CTNNA3: variants seen among roughly 807,000 people sequenced by gnomAD.
CTNNA3 encodes the protein catenin alpha 3.
A neutral mutation model predicts 95.7 loss-of-function variants in CTNNA3; 76 were observed. The ratio of observed to expected loss-of-function variants is 0.79; its 90% CI spans 0.66 to 0.96. The LOEUF is 0.96. Among genes scored for constraint, CTNNA3 ranks in the 40% least tolerant of loss-of-function variants. CTNNA3 has a pLI of 0.00. For missense variants in CTNNA3, 1,191 were observed against 1,089.8 expected (o/e 1.09, Z -1.31); for synonymous variants, 431 against 374.4 (o/e 1.15, Z -1.74).
chr10:66,576,828 T>A (rs1420886139), intron 10 of CTNNA3, among the ~76,000 whole-genome samples: 1 of 151,668 alleles, frequency 6.6e-6, no homozygotes, highest in Non-Finnish European at 1.5e-5. Context: ...AATGATTTAT[T>A]TTCCTTTGGG....
chr10:65,960,003 T>C (rs1184134496), intron 17 of CTNNA3, among the ~76,000 whole-genome samples: 2 of 152,156 alleles, frequency 1.3e-5, no homozygotes, highest in African/African-American at 4.8e-5. Flanking sequence ...TAGCTTATTT[T>C]CTCTTCTAAG....
chr10:66,452,387 G>T (rs752749971), intron 11 of CTNNA3, among the ~76,000 whole-genome samples: 1 of 152,188 alleles, frequency 6.6e-6, no homozygotes, highest in South Asian at 2.1e-4. Context: ...TGGTGAAATT[G>T]CCTTTACAAA....
At chr10:66,855,480 A>T (rs1419001381) in intron 7 of CTNNA3, among the ~76,000 whole-genome samples, 1 of 151,976 alleles carries the variant, frequency 6.6e-6, no homozygotes, top group East Asian at 1.9e-4. Context: ...ACTCTGCTAC[A>T]CTAGTGAATG....
intron 1 of CTNNA3, chr10:67,648,741 T>C: frequency 7.8e-7 from 1 of 1,289,720 alleles, no homozygotes. Context: ...CTGTTTTACC[T>C]TGTTTCTCTC....
chr10:65,938,017 CT>C (rs35270422), intron 17 of CTNNA3, among the ~76,000 whole-genome samples: 22,944 of 152,012 alleles, frequency 0.15, 2,149 homozygotes, highest in South Asian at 0.22. Context: ...CTGATGTTGT[CT>C]TTGATAAGAA....
At chr10:66,747,695 A>C (rs1838944584) in intron 9 of CTNNA3, among the ~76,000 whole-genome samples, 1 of 152,134 alleles carries the variant, frequency 6.6e-6, no homozygotes, top group East Asian at 1.9e-4. Flanking sequence ...GGGATTTAGA[A>C]AACAGGACTC....
At chr10:66,310,578 T>C (rs2092003516) in intron 12 of CTNNA3, among the ~76,000 whole-genome samples, 1 of 87,816 alleles carries the variant, frequency 1.1e-5, no homozygotes. Context: ...GAATGTTTTA[T>C]TCTGTGTTTT....
chr10:66,716,887 A>C (rs531192349), intron 9 of CTNNA3, among the ~76,000 whole-genome samples: 1 of 152,190 alleles, frequency 6.6e-6, no homozygotes, highest in African/African-American at 2.4e-5. Flanking sequence ...CTATCTGGTC[A>C]AATATTTATC....
At position 67,308,749 on chromosome 10, in the gene CTNNA3, G is replaced by A. The variant is rs949848729; in HGVS notation, c.580-88879C>T. On this transcript the variant is annotated intron_variant, in intron 5 of 17. Transcript: ENST00000433211. ...GTACTAAAGTTCACTTAGAGACCCA[G>A]TTAATCAATCCCTCATTTGAAAGTT... Among the ~76,000 whole-genome samples, 9 of 152,114 alleles carry A rather than the reference G, an allele frequency of 5.9e-5. No homozygotes were observed. In the East Asian group the frequency reaches 1.7e-3, roughly 29 times the overall value.
In CTNNA3 at chr10:67,363,592, G is replaced by A. The variant is rs986545815; in HGVS notation, c.580-143722C>T. On this transcript the variant is annotated intron_variant, in intron 5 of 17. Transcript: ENST00000433211. ...CTAGCAAGACTAATAAAGAAGAAAA[G>A]AGAGAAGAACAAATAGATGCAATAA... Among the ~76,000 whole-genome samples the A allele has an allele frequency of 3.3e-5, 5 of 151,706 alleles. 1 individual carries two copies. In the East Asian group the frequency reaches 7.7e-4, roughly 23 times the overall value.
intron 10 of CTNNA3, among the ~76,000 whole-genome samples, chr10:66,612,733 A>T (rs1257241472): frequency 6.6e-6 from 1 of 152,102 alleles, no homozygotes; most frequent in East Asian, 1.9e-4. Flanking sequence ...TCAATTGTTT[A>T]CTTTTTTCAA....
chr10:66,159,623 T>C (rs2084737780), intron 13 of CTNNA3, among the ~76,000 whole-genome samples: 2 of 140,998 alleles, frequency 1.4e-5, no homozygotes, highest in African/African-American at 5.1e-5. Context: ...TTTTTTGTTT[T>C]CTGTTTTTTT....
chr10:67,422,448 G>A (rs1168114291), intron 5 of CTNNA3, among the ~76,000 whole-genome samples: 1 of 152,112 alleles, frequency 6.6e-6, no homozygotes, highest in Non-Finnish European at 1.5e-5. Flanking sequence ...GGGTAAACAA[G>A]AGCTTCTTGT....
intron 10 of CTNNA3, among the ~76,000 whole-genome samples, chr10:66,537,074 A>G (rs2132066150): frequency 6.6e-6 from 1 of 152,298 alleles, no homozygotes; most frequent in South Asian, 2.1e-4. Context: ...ACTTACATAA[A>G]ATATATAACT....
At chr10:67,613,458 A>G (rs1843532167) in intron 2 of CTNNA3, among the ~76,000 whole-genome samples, 1 of 152,230 alleles carries the variant, frequency 6.6e-6, no homozygotes, top group Non-Finnish European at 1.5e-5. Context: ...GAGGTTACCA[A>G]AAGAATGGGT....
intron 5 of CTNNA3, among the ~76,000 whole-genome samples, chr10:67,230,329 G>T (rs1865128479): frequency 6.6e-6 from 1 of 152,156 alleles, no homozygotes; most frequent in South Asian, 2.1e-4. Flanking sequence ...ACTCAAGATG[G>T]ATTAAGGACT....
intron 7 of CTNNA3, among the ~76,000 whole-genome samples, chr10:67,144,692 T>G (rs369712726): frequency 7.9e-5 from 12 of 152,306 alleles, no homozygotes; most frequent in African/African-American, 2.4e-4. Flanking sequence ...TGAAGAGGGT[T>G]AGGTTCTTTC....
At chr10:67,209,454 T>C (rs1015598272) in intron 6 of CTNNA3, among the ~76,000 whole-genome samples, 7 of 152,156 alleles carry the variant, frequency 4.6e-5, no homozygotes, top group African/African-American at 1.7e-4. Context: ...CTCAAACAGG[T>C]GAAACAGAAA....
intron 5 of CTNNA3, among the ~76,000 whole-genome samples, chr10:67,294,246 C>T (rs1362209410): frequency 6.6e-6 from 1 of 151,720 alleles, no homozygotes; most frequent in Admixed American, 6.6e-5. Flanking sequence ...ATTTAGAGAC[C>T]CAAATATATA....
Sources: gnomAD v4.1 joint callset for allele counts (sites outside exome capture counted in the v4.1 genomes callset) on GRCh38, gnomAD v4.1.1 for gene constraint, MANE v1.5 for transcripts, NCBI Gene and HGNC (gene_info 2026-07-23, HGNC 2026-07-21) for gene names.